Variants in SLC5A11 observed in about 807,000 individuals in gnomAD.
SLC5A11 encodes the protein sodium/myo-inositol cotransporter 2.
A neutral mutation model predicts 69.8 loss-of-function variants in SLC5A11; 48 were observed. That is an observed-to-expected ratio of 0.69 (90% CI 0.55 to 0.87). The LOEUF (loss-of-function observed/expected upper bound fraction) is 0.87, where lower values mean the gene tolerates loss of function less well. Ranked by LOEUF, SLC5A11 falls within the 40% of genes least tolerant of loss-of-function variation. SLC5A11 has a pLI of 0.00. For missense variants in SLC5A11, 784 were observed against 866.1 expected, an observed-to-expected ratio of 0.91 and a Z score of 1.19; for synonymous variants, 319 against 342.4, an observed-to-expected ratio of 0.93 and a Z score of 0.75.
At chr16:24,868,657 A>T (rs2047075911) in intron 3 of SLC5A11, among the ~76,000 whole-genome samples, 1 of 151,990 alleles carries the variant, frequency 6.6e-6, no homozygotes, top group South Asian at 2.1e-4. Flanking sequence ...ACGCTACAGT[A>T]ATCAAAAGAA....
At chr16:24,895,447 G>T (rs929798522) in intron 9 of SLC5A11, among the ~76,000 whole-genome samples, 1 of 151,214 alleles carries the variant, frequency 6.6e-6, no homozygotes, top group African/African-American at 2.4e-5. Flanking sequence ...AGAGATCCCA[G>T]CACTGTACTC....
intron 7 of SLC5A11, among the ~76,000 whole-genome samples, chr16:24,877,614 C>G (rs1253795108): frequency 6.6e-6 from 1 of 152,164 alleles, no homozygotes; most frequent in Non-Finnish European, 1.5e-5. Flanking sequence ...CTTTGGGAAG[C>G]CGAGGCAGGT....
chr16:24,856,508 C>T (rs1296170855), intron 1 of SLC5A11, among the ~76,000 whole-genome samples: 1 of 148,918 alleles, frequency 6.7e-6, no homozygotes, highest in Non-Finnish European at 1.5e-5. Context: ...AATCCCAGCA[C>T]TTTGGGAGGC....
chr16:24,861,669 A>G (rs1338644302), intron 2 of SLC5A11, among the ~76,000 whole-genome samples: 1 of 145,540 alleles, frequency 6.9e-6, no homozygotes, highest in Non-Finnish European at 1.5e-5. Flanking sequence ...AAAAAGAAAG[A>G]AAGGAAGGAA....
intron 10 of SLC5A11, among the ~76,000 whole-genome samples, chr16:24,901,329 A>G (rs532681485): frequency 6.6e-6 from 1 of 152,254 alleles, no homozygotes; most frequent in East Asian, 1.9e-4. Flanking sequence ...GAAATTATTC[A>G]TTTGGCCAGG....
chr16:24,870,389 G>A (rs893641996), intron 4 of SLC5A11, among the ~76,000 whole-genome samples: 34 of 148,658 alleles, frequency 2.3e-4, no homozygotes, highest in African/African-American at 7.2e-4. Context: ...GTGAAACTCC[G>A]TCCCCCTCCC....
chr16:24,875,228 GA>G (rs562316587), intron 5 of SLC5A11, among the ~76,000 whole-genome samples: 306 of 152,242 alleles, frequency 2.0e-3, no homozygotes, highest in Non-Finnish European at 3.5e-3. Context: ...ACTTAGGCTA[GA>G]GTGCAATGGC....
chr16:24,886,249 G>T (rs2048389940), intron 8 of SLC5A11, among the ~76,000 whole-genome samples: 1 of 151,984 alleles, frequency 6.6e-6, no homozygotes, highest in South Asian at 2.1e-4. Context: ...TCACCAGGAT[G>T]GTCTCCATCT....
At chr16:24,870,236 T>C (rs867160835) in intron 4 of SLC5A11, among the ~76,000 whole-genome samples, 3 of 150,108 alleles carry the variant, frequency 2.0e-5, no homozygotes, top group African/African-American at 7.4e-5. Flanking sequence ...CTACTAAAAA[T>C]ACAAAAAATT....
intron 3 of SLC5A11, among the ~76,000 whole-genome samples, chr16:24,868,596 C>CAAAA (rs71156448): frequency 1.5e-4 from 18 of 123,932 alleles, no homozygotes; most frequent in Admixed American, 3.3e-4. Flanking sequence ...GACTCCGCCT[C>CAAAA]AAAAAAAAAA....
intron 1 of SLC5A11, among the ~76,000 whole-genome samples, chr16:24,849,589 AAAAAATATATATAT>A (rs1271008925): frequency 7.8e-5 from 5 of 63,772 alleles, no homozygotes; most frequent in African/African-American, 1.7e-4. Flanking sequence ...AAAAAAAAAA[AAAAAATATATATAT>A]ATATATATAT....
At chr16:24,898,044 A>G in exon 10 of SLC5A11, 2 of 1,614,128 alleles carry the variant, frequency 1.2e-6, no homozygotes, top group Non-Finnish European at 8.5e-7. Flanking sequence ...ATGGCTGCAT[A>G]CCTGAAGGTG....
exon 14 of SLC5A11, chr16:24,909,079 C>T (rs1217755075): frequency 6.2e-7 from 1 of 1,614,082 alleles, no homozygotes. Context: ...GTTCACAGAG[C>T]CACCCTCCAA....
At chr16:24,910,341 C>G in exon 15 of SLC5A11, 3 of 1,614,064 alleles carry the variant, frequency 1.9e-6, no homozygotes, top group Non-Finnish European at 2.5e-6. Flanking sequence ...GTCACGACCC[C>G]GTGGTCCAGA....
At chr16:24,854,172 A>C (rs141829476) in intron 1 of SLC5A11, among the ~76,000 whole-genome samples, 1,892 of 152,288 alleles carry the variant, frequency 0.012, 42 homozygotes, top group African/African-American at 0.044. Context: ...CTGGCTCACC[A>C]GGCAGCCGCC....
chr16:24,847,513 C>T (rs1264318725), intron 1 of SLC5A11, among the ~76,000 whole-genome samples: 1 of 151,928 alleles, frequency 6.6e-6, no homozygotes, highest in Non-Finnish European at 1.5e-5. Context: ...GCATGCCCTG[C>T]TAACTTTTTT....
At chr16:24,848,132 GA>G in intron 1 of SLC5A11, among the ~76,000 whole-genome samples, 1 of 152,206 alleles carries the variant, frequency 6.6e-6, no homozygotes, top group Non-Finnish European at 1.5e-5. Context: ...CAGGCAGAGG[GA>G]ACAGAATGGC....
At chr16:24,890,500 AAAAAAAAAAAAAAAAGAAG>A (rs374361629) in intron 8 of SLC5A11, among the ~76,000 whole-genome samples, 25,793 of 102,938 alleles carry the variant, frequency 0.25, 3,291 homozygotes, top group South Asian at 0.44. Flanking sequence ...AAAAAAAAAA[AAAAAAAAAAAAAAAAGAAG>A]GAAGGAAGGA....
At chr16:24,858,459 A>G (rs1321983054) in intron 1 of SLC5A11, among the ~76,000 whole-genome samples, 161 bp from the exon 3 acceptor site, 1 of 152,184 alleles carries the variant, frequency 6.6e-6, no homozygotes, top group African/African-American at 2.4e-5. Flanking sequence ...TGGATGGTGG[A>G]TGGATCGATG....
Sources: allele counts gnomAD v4.1 joint callset (sites outside exome capture counted in the v4.1 genomes callset), GRCh38; gene constraint gnomAD v4.1.1; transcripts MANE v1.5; gene names NCBI Gene and HGNC (gene_info 2026-07-23, HGNC 2026-07-21).